Variants in SORBS2 observed in about 807,000 individuals in gnomAD.
SORBS2 encodes sorbin and SH3 domain-containing protein 2.
A neutral mutation model predicts 97.7 loss-of-function variants in SORBS2; 46 were observed. That is an observed-to-expected ratio of 0.47 (90% CI 0.37 to 0.60). The LOEUF (loss-of-function observed/expected upper bound fraction) is 0.60. Ranked by LOEUF, SORBS2 falls within the 20% of genes least tolerant of loss-of-function variation. The probability of loss-of-function intolerance (pLI) is 0.00; values close to 1 mark genes in which losing one functional copy is unlikely to be tolerated. For synonymous variants in SORBS2, 476 were observed against 473.4 expected (o/e 1.01, Z -0.07); for missense variants, 1,316 against 1,282.3 (o/e 1.03, Z -0.40).
At chr4:185,926,748 T>C (rs973270950) in intron 1 of SORBS2, among the ~76,000 whole-genome samples, 4 of 152,094 alleles carry the variant, frequency 2.6e-5, no homozygotes, top group Admixed American at 1.3e-4. Flanking sequence ...TTAATTGACA[T>C]ATTTAAAAGC....
intron 5 of SORBS2, among the ~76,000 whole-genome samples, chr4:185,629,681 G>A (rs1398651310): frequency 2.0e-5 from 3 of 150,688 alleles, no homozygotes; most frequent in Non-Finnish European, 4.4e-5. Flanking sequence ...TTCTGCCTCA[G>A]CCTCCTGAAT....
At chr4:185,880,524 T>C (rs2099236313) in intron 1 of SORBS2, among the ~76,000 whole-genome samples, 2 of 152,252 alleles carry the variant, frequency 1.3e-5, no homozygotes, top group African/African-American at 4.8e-5. Context: ...GTGTCAGTTA[T>C]ACCTAAAGAC....
intron 2 of SORBS2, among the ~76,000 whole-genome samples, chr4:185,756,200 G>A (rs188629779): frequency 6.6e-6 from 1 of 152,258 alleles, no homozygotes; most frequent in East Asian, 1.9e-4. Context: ...TCTCTATGCA[G>A]TTCATAACTG....
At chr4:185,661,537 C>T (rs369408232), upstream of SORBS2, among the ~76,000 whole-genome samples, 1 of 152,142 alleles carries the variant, frequency 6.6e-6, no homozygotes, top group Non-Finnish European at 1.5e-5. Context: ...AATGACAGAA[C>T]CTTCATTTAA....
At chr4:185,883,322 A>G (rs1232561656) in intron 1 of SORBS2, among the ~76,000 whole-genome samples, 1 of 152,232 alleles carries the variant, frequency 6.6e-6, no homozygotes, top group Non-Finnish European at 1.5e-5. Context: ...TCATTAGGAA[A>G]ATATGAATTA....
At chr4:185,718,535 T>C (rs1243555405) in intron 2 of SORBS2, among the ~76,000 whole-genome samples, 6 of 152,302 alleles carry the variant, frequency 3.9e-5, no homozygotes, top group Middle Eastern at 3.4e-3. Context: ...TGCTGTCTTG[T>C]TGGTTGCTGA....
At chr4:185,837,858 C>G (rs531305546) in intron 1 of SORBS2, among the ~76,000 whole-genome samples, 1 of 149,584 alleles carries the variant, frequency 6.7e-6, no homozygotes, top group African/African-American at 2.4e-5. Context: ...AAAAAAAAAC[C>G]CACATTGCTT....
intron 4 of SORBS2, 33 bp downstream of exon 16, chr4:185,635,322 A>C: frequency 6.8e-7 from 1 of 1,471,474 alleles, no homozygotes; most frequent in Non-Finnish European, 9.5e-7. Context: ...TCTAAGGGAG[A>C]TATCTGAAAA....
At chr4:185,885,918 C>T (rs369097440) in intron 1 of SORBS2, among the ~76,000 whole-genome samples, 4 of 152,156 alleles carry the variant, frequency 2.6e-5, no homozygotes, top group Admixed American at 6.5e-5. Context: ...TGTTTTGATG[C>T]GTAGGTGCCA....
intron 1 of SORBS2, among the ~76,000 whole-genome samples, chr4:185,931,984 C>CTG (rs10640145): frequency 0.36 from 54,025 of 148,318 alleles, 9,935 homozygotes; most frequent in African/African-American, 0.44. Context: ...ACCTGTCTCT[C>CTG]TCTCTCTCTC....
intron 2 of SORBS2, among the ~76,000 whole-genome samples, chr4:185,765,003 G>C (rs2098925908): frequency 6.6e-6 from 1 of 152,002 alleles, no homozygotes; most frequent in Non-Finnish European, 1.5e-5. Flanking sequence ...GTCTGGTTGT[G>C]AGTTTTTATC....
intron 2 of SORBS2, among the ~76,000 whole-genome samples, chr4:185,769,100 C>A (rs1384419972): frequency 1.5e-5 from 1 of 65,990 alleles, no homozygotes; most frequent in East Asian, 2.6e-4. Context: ...AAAAGTCAAC[C>A]CTTAGCATGA....
rs2096756051 is a variant in SORBS2 at position 185,623,589 on chromosome 4, A to G, written c.1540T>C (p.Tyr514His). The stretch of plus-strand genomic sequence containing the variant: ...AAGGATGACCCCTCTAGGTGAATGT[A>G]GTCACTGTGGTCGGACACAACCCCG... Residue 514 changes from tyrosine to histidine, a missense_variant, in exon 7 of 15, where the codon TAC becomes CAC. Physicochemically the swap from Tyr to His is moderately conservative, Grantham distance 83. Transcript: ENST00000418609. The surrounding 1 kb of genome is among the most constrained non-coding windows in gnomAD (Gnocchi z 6.4). The G allele has an allele frequency of 1.9e-6, 3 of 1,614,126 alleles. No homozygotes were observed. The highest frequency in any genetic ancestry group is 2.5e-6 in the Non-Finnish European group (3 of 1,180,016).
chr4:185,656,608 A>G lies in SORBS2; in HGVS notation c.24+7T>C, dbSNP rs972947738. The G allele has an allele frequency of 2.6e-6, 4 of 1,547,630 alleles. No homozygotes were observed. The East Asian group carries it at 7.4e-5, about 28-fold the overall frequency. On this transcript the variant is annotated splice_region_variant and intron_variant, in intron 1 of 14. Transcript: ENST00000418609. ...GCAGTCCCTCCCCGCATGGCCCCCA[A>G]CTTCACCTGCAAAGGTGTTGTTGCT...
chr4:185,740,585 T>C (rs866998445), intron 2 of SORBS2, among the ~76,000 whole-genome samples: 2 of 151,878 alleles, frequency 1.3e-5, no homozygotes, highest in African/African-American at 4.8e-5. Flanking sequence ...AAATGCAAAA[T>C]AGGCAGCTCA....
chr4:185,852,475 C>T (rs1007290619), intron 1 of SORBS2, among the ~76,000 whole-genome samples: 1 of 152,214 alleles, frequency 6.6e-6, no homozygotes, highest in African/African-American at 2.4e-5. Flanking sequence ...CAATCATATT[C>T]ATGGGAACAT....
chr4:185,942,365 T>G (rs986913919), intron 1 of SORBS2, among the ~76,000 whole-genome samples: 1 of 151,828 alleles, frequency 6.6e-6, no homozygotes, highest in African/African-American at 2.4e-5. Context: ...TTCTTTTTTT[T>G]TTTGAGTTGG....
intron 1 of SORBS2, among the ~76,000 whole-genome samples, chr4:185,879,548 C>A (rs575856534): frequency 6.6e-6 from 1 of 152,168 alleles, no homozygotes; most frequent in African/African-American, 2.4e-5. Context: ...AATGGGATAG[C>A]TGGGTCAAAT....
At chr4:185,800,799 C>T (rs1437883972) in intron 1 of SORBS2, among the ~76,000 whole-genome samples, 1 of 152,200 alleles carries the variant, frequency 6.6e-6, no homozygotes, top group African/African-American at 2.4e-5. Flanking sequence ...ATTGACAAAG[C>T]TGCAGACATT....
Sources: allele counts gnomAD v4.1 joint callset (sites outside exome capture counted in the v4.1 genomes callset), GRCh38; gene constraint gnomAD v4.1.1; non-coding constraint Gnocchi (gnomAD v3.1); transcripts MANE v1.5; gene names NCBI Gene and HGNC (gene_info 2026-07-23, HGNC 2026-07-21).